STK10: variants seen among roughly 807,000 people sequenced by gnomAD.
The protein encoded by STK10 is serine/threonine kinase 10, also known as serine/threonine-protein kinase 10.
STK10 carries 78 observed loss-of-function variants against 113.8 expected under a neutral mutation model. The ratio of observed to expected loss-of-function variants is 0.69; its 90% CI spans 0.57 to 0.83. The LOEUF (loss-of-function observed/expected upper bound fraction) is 0.83, where lower values mean the gene tolerates loss of function less well. STK10 is among the 40% of genes least tolerant of loss of function. STK10 has a pLI of 0.00. For synonymous variants in STK10, 465 were observed against 494.7 expected (o/e 0.94, Z 0.80); for missense variants, 1,109 against 1,280.1 (o/e 0.87, Z 2.04).
rs774759610 is a variant in STK10, at chr5:172,044,829, AAGG to A, written c.*50_*52del. 2.1e-5 allele frequency: 34 copies of A among 1,613,134 alleles called. No homozygotes were observed. The highest frequency in any genetic ancestry group is 2.9e-5 in the Non-Finnish European group (34 of 1,179,836). On this transcript the variant is annotated 3_prime_UTR_variant, in exon 19 of 19. Transcript: ENST00000176763. This position sits in a 1 kb window ranked among gnomAD's most constrained non-coding sequence, Gnocchi z 4.5. ...CTGAGTTACATGTTCACAGAGAATG[AAGG>A]AGAAGGCCCTGGGGCCCACCAAGCT...
intron 7 of STK10, among the ~76,000 whole-genome samples, chr5:172,100,607 C>T (rs1425813343): frequency 2.0e-5 from 3 of 151,836 alleles, no homozygotes; most frequent in South Asian, 2.1e-4. Context: ...GCCAACATGG[C>T]GAAATCCCAT....
chr5:172,137,272 T>A (rs1282480163), intron 2 of STK10, among the ~76,000 whole-genome samples: 2 of 152,106 alleles, frequency 1.3e-5, no homozygotes, highest in Non-Finnish European at 2.9e-5. Context: ...GTCACTCTGG[T>A]TTGAATGCCT....
chr5:172,187,121 C>T lies in STK10; in HGVS notation c.156+766G>A, dbSNP rs138646020. ...CAGAATTAGCTCCCAGGAGCAGAAA[C>T]CAACGTCCTGCTGCCACACTTCTCT... On this transcript the variant is annotated intron_variant, in intron 1 of 18. Transcript: ENST00000176763. This position sits in a 1 kb window ranked among gnomAD's most constrained non-coding sequence, Gnocchi z 4.6. Among the ~76,000 whole-genome samples the T allele has an allele frequency of 3.5e-3, 534 of 152,282 alleles. 6 individuals carry two copies. The highest frequency in any genetic ancestry group is 0.012 in the African/African-American group (509 of 41,540).
intron 13 of STK10, 179 bp from the exon 14 acceptor site, chr5:172,061,447 G>T: frequency 1.3e-6 from 1 of 762,564 alleles, no homozygotes; most frequent in South Asian, 2.0e-5. Flanking sequence ...TTCAACATGT[G>T]GGCTTCATCT....
intron 17 of STK10, 108 bp downstream of exon 17, chr5:172,054,461 C>A: frequency 6.7e-7 from 1 of 1,496,510 alleles, no homozygotes; most frequent in Non-Finnish European, 9.0e-7. Context: ...CCGGGCGTGT[C>A]TGATGAAGAT....
chr5:172,054,917 T>C (rs947168522), intron 16 of STK10, among the ~76,000 whole-genome samples: 4 of 152,004 alleles, frequency 2.6e-5, no homozygotes, highest in Non-Finnish European at 5.9e-5. Context: ...GACATGACAC[T>C]GCAATGTGAC....
intron 1 of STK10, among the ~76,000 whole-genome samples, chr5:172,162,016 T>C (rs1015307967): frequency 6.6e-6 from 1 of 152,174 alleles, no homozygotes; most frequent in African/African-American, 2.4e-5. Flanking sequence ...GCTCTAACTC[T>C]GTGGGGACTT....
At position 172,042,950 on chromosome 5, in the gene STK10, G is replaced by C. The variant is rs944816156; in HGVS notation, c.*1932C>G. On this transcript the variant is annotated 3_prime_UTR_variant, in exon 19 of 19. Coordinates refer to ENST00000176763, the MANE Select transcript of STK10 (RefSeq NM_005990.4). ...TCCAGGGAATTGCTTTAGAAAGACAGAGTATACAGAACCTTAACCTAGCTG... is the reference window on the plus strand; with the variant it reads ...TCCAGGGAATTGCTTTAGAAAGACACAGTATACAGAACCTTAACCTAGCTG... The C allele has an allele frequency of 6.6e-6, 1 of 152,178 alleles. No individual in the cohort carries two copies. The highest frequency in any genetic ancestry group is 1.5e-5 in the Non-Finnish European group (1 of 68,036). 9.4% of individuals were successfully genotyped at this position (152,178 alleles called of 1,614,324 possible).
intron 10 of STK10, 31 bp from the exon 11 acceptor site, chr5:172,083,115 A>C (rs771766613): frequency 1.2e-6 from 2 of 1,611,940 alleles, no homozygotes; most frequent in African/African-American, 2.7e-5. Context: ...GATATTTCAC[A>C]GTAAGAAACT....
At chr5:172,049,785 T>C (rs1767586870) in intron 18 of STK10, among the ~76,000 whole-genome samples, 2 of 152,150 alleles carry the variant, frequency 1.3e-5, no homozygotes, top group African/African-American at 4.8e-5. Flanking sequence ...TTCACCACCG[T>C]GCACTCACAT....
At chr5:172,100,748 C>T (rs1047876010) in intron 7 of STK10, among the ~76,000 whole-genome samples, 1 of 152,126 alleles carries the variant, frequency 6.6e-6, no homozygotes, top group Non-Finnish European at 1.5e-5. Flanking sequence ...GATCAGGCCA[C>T]TGTACTCCAG....
chr5:172,146,113 G>C (rs780896874), intron 2 of STK10, among the ~76,000 whole-genome samples: 3 of 152,158 alleles, frequency 2.0e-5, no homozygotes, highest in African/African-American at 7.2e-5. Context: ...ATTGTCTGTT[G>C]TCTGCCTCCC....
chr5:172,126,584 C>T lies in STK10; in HGVS notation c.370+789G>A, dbSNP rs543057385. ...ATCTCAAAAATAAATAAATAAAATA[C>T]TCTTCCTGATTTTATACCTGAGGAT... On this transcript the variant is annotated intron_variant, in intron 3 of 18. Coordinates refer to ENST00000176763, the MANE Select transcript of STK10 (RefSeq NM_005990.4). 8.5e-5 allele frequency among the ~76,000 whole-genome samples: 13 copies of T among 152,058 alleles called. 1 individual carries two copies. In the South Asian group the frequency reaches 2.1e-3, roughly 24 times the overall value.
rs1394210900 is a variant in STK10, at chr5:172,082,178, T to C, written c.1989+148A>G. 9.9e-6 allele frequency: 8 copies of C among 809,026 alleles called. No homozygotes were observed. The highest frequency in any genetic ancestry group is 3.7e-5 in the Admixed American group (1 of 26,826). 50.1% of individuals were successfully genotyped at this position (809,026 alleles called of 1,614,324 possible). On this transcript the variant is annotated intron_variant, in intron 12 of 18. Coordinates refer to ENST00000176763, the MANE Select transcript of STK10 (RefSeq NM_005990.4). This position sits in a 1 kb window ranked among gnomAD's most constrained non-coding sequence, Gnocchi z 4.3. ...GAGAAGTGGCTCCTCATGGCGCAGC[T>C]TGGGCACACAGATCCAGGCTCACCT...
At chr5:172,105,608 A>G in intron 7 of STK10, 48 bp downstream of exon 7, 1 of 1,599,354 alleles carries the variant, frequency 6.3e-7, no homozygotes, top group East Asian at 2.2e-5. Context: ...TGGTGAGTTC[A>G]TTAGGCTCCA....
chr5:172,061,121 C>A lies in STK10; in HGVS notation c.2212+18G>T. The A allele has an allele frequency of 3.1e-6, 5 of 1,598,764 alleles. No homozygotes were observed. Among genetic ancestry groups the A allele is most frequent in the Non-Finnish European group, 4.3e-6 (5 of 1,173,864 alleles). On this transcript the variant is annotated intron_variant, in intron 14 of 18. Transcript: ENST00000176763. ...GCGACTCTGGGCCAAGACAGCGCTGCCACTTGCACACCCCCACCTCGAAGG... is the reference window on the plus strand; with the variant it reads ...GCGACTCTGGGCCAAGACAGCGCTGACACTTGCACACCCCCACCTCGAAGG...
chr5:172,160,615 G>A (rs1439903315), intron 1 of STK10, among the ~76,000 whole-genome samples: 1 of 152,154 alleles, frequency 6.6e-6, no homozygotes, highest in Non-Finnish European at 1.5e-5. Flanking sequence ...ACCTTCCTAA[G>A]GATAATATTG....
intron 2 of STK10, among the ~76,000 whole-genome samples, chr5:172,149,784 G>T (rs1012274982): frequency 6.6e-6 from 1 of 151,982 alleles, no homozygotes; most frequent in Non-Finnish European, 1.5e-5. Flanking sequence ...GGTGGCTCAT[G>T]CCTGTAATCC....
At chr5:172,186,917 G>C (rs1770962870) in intron 1 of STK10, among the ~76,000 whole-genome samples, 1 of 152,008 alleles carries the variant, frequency 6.6e-6, no homozygotes, top group Non-Finnish European at 1.5e-5. Context: ...GCAATCCTAG[G>C]GTCAGAGTGC....
Sources: gnomAD v4.1 joint callset for allele counts (sites outside exome capture counted in the v4.1 genomes callset) on GRCh38, gnomAD v4.1.1 for gene constraint, Gnocchi (gnomAD v3.1) non-coding constraint, MANE v1.5 for transcripts, NCBI Gene and HGNC (gene_info 2026-07-23, HGNC 2026-07-21) for gene names.